Variants in PCDHGB3 observed in about 807,000 individuals in gnomAD.
PCDHGB3 encodes protocadherin gamma subfamily B, 3.
A neutral mutation model predicts 59.2 loss-of-function variants in PCDHGB3; 40 were observed. That is an observed-to-expected ratio of 0.68 (90% CI 0.52 to 0.88). The LOEUF (loss-of-function observed/expected upper bound fraction) is 0.88. Ranked by LOEUF, PCDHGB3 falls within the 40% of genes least tolerant of loss-of-function variation. The probability of loss-of-function intolerance (pLI) is 0.00; values close to 1 mark genes in which losing one functional copy is unlikely to be tolerated. For missense variants in PCDHGB3, 1,309 were observed against 1,187.9 expected (o/e 1.10, Z -1.50); for synonymous variants, 581 against 503.6 (o/e 1.15, Z -2.06).
Position 141,431,518 on chromosome 5 carries a change from G to T in PCDHGB3, c.2415+58709G>T. 6.2e-7 allele frequency: 1 copy of T among 1,614,090 alleles called. No individual in the cohort carries two copies. Among genetic ancestry groups the T allele is most frequent in the Non-Finnish European group, 8.5e-7 (1 of 1,180,038 alleles). ...CCGAGTACCGCGCGAGCGTTCCGGA[G>T]AATCTGGCCTTGGGCACGCAGCTGC... On this transcript the variant is annotated intron_variant, in intron 1 of 3. Coordinates refer to ENST00000576222, the MANE Select transcript of PCDHGB3 (RefSeq NM_018924.5). The surrounding 1 kb of genome is among the most constrained non-coding windows in gnomAD (Gnocchi z 4.8).
intron 1 of PCDHGB3, chr5:141,418,347 G>C: frequency 6.2e-7 from 1 of 1,614,024 alleles, no homozygotes; most frequent in Non-Finnish European, 8.5e-7. Context: ...CCTGATATTA[G>C]TATGAATTCG....
intron 1 of PCDHGB3, chr5:141,422,550 G>A: frequency 6.2e-7 from 1 of 1,613,978 alleles, no homozygotes; most frequent in Non-Finnish European, 8.5e-7. Flanking sequence ...ATGTCTGGCT[G>A]AATGTGGCAG....
chr5:141,472,079 G>T (rs2099271048), intron 1 of PCDHGB3, among the ~76,000 whole-genome samples: 1 of 152,124 alleles, frequency 6.6e-6, no homozygotes, highest in African/African-American at 2.4e-5. Flanking sequence ...TTATATCAAT[G>T]AGTACTATTA....
At chr5:141,458,645 C>T (rs1162232847) in intron 1 of PCDHGB3, among the ~76,000 whole-genome samples, 2 of 152,170 alleles carry the variant, frequency 1.3e-5, no homozygotes, top group Non-Finnish European at 2.9e-5. Flanking sequence ...TCCCAGCTCA[C>T]TGCAACCTCC....
At chr5:141,433,767 G>A (rs1237334342) in intron 1 of PCDHGB3, among the ~76,000 whole-genome samples, 1 of 151,532 alleles carries the variant, frequency 6.6e-6, no homozygotes, top group East Asian at 1.9e-4. Flanking sequence ...AACCTGGGAG[G>A]TGGAGGTTGC....
chr5:141,385,068 C>G, intron 1 of PCDHGB3: 1 of 1,614,206 alleles, frequency 6.2e-7, no homozygotes, highest in South Asian at 1.1e-5. Context: ...ACAAGTCACG[C>G]CTGCTGCAGG....
intron 1 of PCDHGB3, chr5:141,392,836 C>T: frequency 6.2e-7 from 1 of 1,608,040 alleles, no homozygotes; most frequent in Non-Finnish European, 8.5e-7. Context: ...CAGAGTCGCC[C>T]CAGACGCGGC....
chr5:141,454,575 T>G (rs1430018751), intron 1 of PCDHGB3, among the ~76,000 whole-genome samples: 1 of 151,400 alleles, frequency 6.6e-6, no homozygotes, highest in African/African-American at 2.4e-5. Context: ...CCCGGCTAAT[T>G]TTGTATTTTT....
intron 1 of PCDHGB3, chr5:141,419,724 G>A (rs200134846): frequency 1.9e-4 from 301 of 1,613,488 alleles, no homozygotes; most frequent in South Asian, 1.2e-3. Context: ...CTGGGGCTGC[G>A]AACAGGCGAG....
intron 1 of PCDHGB3, chr5:141,414,511 G>A: frequency 1.2e-6 from 2 of 1,613,972 alleles, no homozygotes; most frequent in African/African-American, 1.3e-5. Context: ...TATGCTACAA[G>A]TGGCAGATAT....
chr5:141,417,112 G>T (rs1399534957), intron 1 of PCDHGB3: 3 of 152,030 alleles, frequency 2.0e-5, no homozygotes, highest in African/African-American at 7.3e-5. Flanking sequence ...AGCAATACAG[G>T]ACACCCTGGA....
rs1778279940 is a variant in PCDHGB3, at chr5:141,382,546, G to A, written c.2415+9737G>A. Among the ~76,000 whole-genome samples the A allele has an allele frequency of 5.3e-5, 8 of 152,162 alleles. No homozygotes were observed. In the South Asian group the frequency reaches 1.4e-3, roughly 28 times the overall value. The stretch of plus-strand genomic sequence containing the variant: ...TCTTAAAATGGATTTTTAATTATCA[G>A]GGATATCTAGAGCAAAGAAATCTAA... On this transcript the variant is annotated intron_variant, in intron 1 of 3. Coordinates refer to ENST00000576222, the MANE Select transcript of PCDHGB3 (RefSeq NM_018924.5).
At chr5:141,502,768 T>C (rs1389860952) in intron 2 of PCDHGB3, among the ~76,000 whole-genome samples, 1 of 152,154 alleles carries the variant, frequency 6.6e-6, no homozygotes, top group East Asian at 1.9e-4. Context: ...GCTGGTATTC[T>C]TCTGAAAATT....
intron 1 of PCDHGB3, among the ~76,000 whole-genome samples, chr5:141,460,801 ATATGTATG>A (rs2098998171): frequency 6.6e-6 from 1 of 152,010 alleles, no homozygotes; most frequent in Non-Finnish European, 1.5e-5. Context: ...CAAAGTATAT[ATATGTATG>A]TATACATATA....
intron 1 of PCDHGB3, among the ~76,000 whole-genome samples, chr5:141,455,289 A>C (rs1592356100): frequency 6.6e-6 from 1 of 152,074 alleles, no homozygotes; most frequent in South Asian, 2.1e-4. Flanking sequence ...ATCACTTTAC[A>C]TAGTTTCATC....
intron 1 of PCDHGB3, chr5:141,390,073 G>C: frequency 6.2e-7 from 1 of 1,614,074 alleles, no homozygotes; most frequent in Non-Finnish European, 8.5e-7. Context: ...CCTGGTCTCT[G>C]TGTTAAATCC....
In PCDHGB3 at chr5:141,410,849, CTTTTTTT is replaced by C. The variant is rs759346998; in HGVS notation, c.2415+38056_2415+38062del. 8.7e-3 allele frequency: 1,205 copies of C among 138,184 alleles called. 49 individuals are homozygous for C. Among genetic ancestry groups the C allele is most frequent in the African/African-American group, 0.064 (1,073 of 16,650 alleles). 8.6% of individuals were successfully genotyped at this position (138,184 alleles called of 1,614,324 possible). ...CAGACTGAAGATATTTTGTCTTTGT[CTTTTTTT>C]TTTTTTTTTTTTTTTGAGATGGAGT... is the stretch of plus-strand genomic sequence containing the variant. On this transcript the variant is annotated intron_variant, in intron 1 of 3. Coordinates refer to ENST00000576222, the MANE Select transcript of PCDHGB3 (RefSeq NM_018924.5).
rs144317211 is a variant in PCDHGB3 at position 141,432,088 on chromosome 5, A to G, written c.2415+59279A>G. On this transcript the variant is annotated intron_variant, in intron 1 of 3. Transcript: ENST00000576222. This position sits in a 1 kb window ranked among gnomAD's most constrained non-coding sequence, Gnocchi z 6.0. Reference sequence around the variant, plus strand: ...AAACTCATATCTCGCTGAACGTGGCAGACACCAACGACAACCCGCCGGTCT... The same window carrying G: ...AAACTCATATCTCGCTGAACGTGGCGGACACCAACGACAACCCGCCGGTCT... The G allele has an allele frequency of 6.2e-7, 1 of 1,614,148 alleles. No individual in the cohort carries two copies. Among genetic ancestry groups the G allele is most frequent in the South Asian group, 1.1e-5 (1 of 91,074 alleles).
chr5:141,386,566 T>C (rs577943993), intron 1 of PCDHGB3, among the ~76,000 whole-genome samples: 30 of 152,200 alleles, frequency 2.0e-4, no homozygotes, highest in African/African-American at 7.2e-4. Flanking sequence ...TTGCACATGA[T>C]AGACTCTGTA....
Sources: allele counts gnomAD v4.1 joint callset (sites outside exome capture counted in the v4.1 genomes callset), GRCh38; gene constraint gnomAD v4.1.1; non-coding constraint Gnocchi (gnomAD v3.1); transcripts MANE v1.5; gene names NCBI Gene and HGNC (gene_info 2026-07-23, HGNC 2026-07-21).